Variants in EFHC2 observed in about 807,000 individuals in gnomAD.
The protein encoded by EFHC2 is EF-hand domain-containing family member C2.
In EFHC2, 18 loss-of-function variants were observed where a neutral mutation model predicts 52.7. The observed-to-expected ratio is 0.34, with a 90% CI of 0.24 to 0.51. The LOEUF is 0.51. EFHC2 is among the 20% of genes least tolerant of loss of function. The pLI is 0.97. For missense variants in EFHC2, 513 were observed against 562.5 expected (o/e 0.91, Z 0.89); for synonymous variants, 203 against 204.1 (o/e 0.99, Z 0.04).
At chrX:44,221,909 T>C (rs948270560) in intron 11 of EFHC2, among the ~76,000 whole-genome samples, 1 of 112,051 alleles carries the variant, frequency 8.9e-6, no homozygotes, top group African/African-American at 3.2e-5. Context: ...TTATTGCTGA[T>C]ATAAAGTAAA....
intron 4 of EFHC2, among the ~76,000 whole-genome samples, chrX:44,259,828 A>G (rs886105397): frequency 3.6e-5 from 4 of 111,802 alleles, no homozygotes; most frequent in Non-Finnish European, 7.5e-5. Context: ...TTGTACATCA[A>G]TATACAGGCA....
chrX:44,208,037 C>T (rs1337972891), intron 11 of EFHC2, among the ~76,000 whole-genome samples: 1 of 112,425 alleles, frequency 8.9e-6, no homozygotes, highest in Non-Finnish European at 1.9e-5. Flanking sequence ...TGCTTATACA[C>T]TGTTGGTGGG....
intron 1 of EFHC2, among the ~76,000 whole-genome samples, chrX:44,318,582 C>T (rs1322721655): frequency 8.9e-6 from 1 of 112,189 alleles, no homozygotes; most frequent in Non-Finnish European, 1.9e-5. Flanking sequence ...GCATGAGATT[C>T]ACACACCACA....
intron 11 of EFHC2, among the ~76,000 whole-genome samples, chrX:44,186,529 A>T (rs1602140759): frequency 9.0e-6 from 1 of 111,569 alleles, no homozygotes; most frequent in East Asian, 2.8e-4. Flanking sequence ...ATTTGTCTCC[A>T]AGCAAATCCC....
Position 44,151,428 on chromosome X carries a change from C to T in EFHC2, c.2149-2532G>A, listed in dbSNP as rs767729121. Reference sequence around the variant, plus strand: ...AAGTCCAAAACCAAGGTGTTGGCAGCGTTGGATCTTTCTGGAGGCTCTAAG... The same window carrying T: ...AAGTCCAAAACCAAGGTGTTGGCAGTGTTGGATCTTTCTGGAGGCTCTAAG... On this transcript the variant is annotated intron_variant, in intron 14 of 14. Coordinates refer to ENST00000420999, the MANE Select transcript of EFHC2 (RefSeq NM_025184.4). Among the ~76,000 whole-genome samples the T allele has an allele frequency of 1.3e-4, 15 of 111,529 alleles. No homozygotes were observed. In the East Asian group the frequency reaches 4.0e-3, roughly 29 times the overall value.
chrX:44,151,747 C>T (rs985693313), intron 14 of EFHC2, among the ~76,000 whole-genome samples: 6 of 111,576 alleles, frequency 5.4e-5, no homozygotes, highest in African/African-American at 1.3e-4. Flanking sequence ...ATATTCAATC[C>T]GGTGTTATAT....
At chrX:44,228,352 G>A (rs2037248450) in intron 11 of EFHC2, among the ~76,000 whole-genome samples, 1 of 111,810 alleles carries the variant, frequency 8.9e-6, no homozygotes, top group Non-Finnish European at 1.9e-5. Flanking sequence ...CTTTGCGAGT[G>A]CTGGAAAAAT....
chrX:44,327,383 T>C (rs891369038), intron 1 of EFHC2, among the ~76,000 whole-genome samples: 19 of 111,701 alleles, frequency 1.7e-4, no homozygotes, highest in African/African-American at 5.9e-4. Context: ...AATTTGGGAA[T>C]TGAAGAGAGA....
At chrX:44,150,345 C>T (rs1043026867) in intron 14 of EFHC2, among the ~76,000 whole-genome samples, 3 of 111,451 alleles carry the variant, frequency 2.7e-5, no homozygotes, top group African/African-American at 3.3e-5. Flanking sequence ...TAGGGACCAG[C>T]GTAAGCAAAG....
chrX:44,248,470 C>T (rs2037417156), intron 6 of EFHC2, 60 bp from the exon 7 acceptor site: 1 of 1,093,829 alleles, frequency 9.1e-7, no homozygotes, highest in Non-Finnish European at 1.2e-6. Flanking sequence ...ACCAGGAACC[C>T]CTTCCCAGAG....
At chrX:44,172,847 C>T (rs887860048) in intron 13 of EFHC2, among the ~76,000 whole-genome samples, 1 of 111,919 alleles carries the variant, frequency 8.9e-6, no homozygotes. Flanking sequence ...AATGGATAAT[C>T]GCTACCACTA....
At chrX:44,197,504 G>A (rs2147293245) in intron 11 of EFHC2, among the ~76,000 whole-genome samples, 1 of 111,443 alleles carries the variant, frequency 9.0e-6, no homozygotes, top group Non-Finnish European at 1.9e-5. Context: ...GGACAGCAAA[G>A]GAGAGACCCC....
chrX:44,287,052 A>G (rs2037755617), intron 2 of EFHC2, among the ~76,000 whole-genome samples: 1 of 102,785 alleles, frequency 9.7e-6, no homozygotes. Context: ...AAAAAAAAAA[A>G]AAGTTTTTTA....
At chrX:44,310,477 G>T in intron 2 of EFHC2, 1 of 629,795 alleles carries the variant, frequency 1.6e-6, no homozygotes, top group South Asian at 3.2e-5. Flanking sequence ...CGGAGAGCAT[G>T]GTGGTAGCGC....
chrX:44,234,600 G>A (rs1327183422), intron 9 of EFHC2, among the ~76,000 whole-genome samples: 2 of 111,825 alleles, frequency 1.8e-5, no homozygotes, highest in Admixed American at 9.4e-5. Context: ...ACAAATCAGG[G>A]CTTTTAAAAT....
chrX:44,283,001 G>A (rs868096623), intron 2 of EFHC2, among the ~76,000 whole-genome samples: 60 of 110,175 alleles, frequency 5.4e-4, no homozygotes, highest in African/African-American at 1.8e-3. Flanking sequence ...TTCCCGACTC[G>A]GCTTCTACAG....
intron 11 of EFHC2, among the ~76,000 whole-genome samples, chrX:44,202,363 G>A (rs1341586669): frequency 9.0e-6 from 1 of 111,332 alleles, no homozygotes; most frequent in Non-Finnish European, 1.9e-5. Context: ...AGTGAGCGGA[G>A]ATCGCTCCAT....
chrX:44,321,551 G>A (rs2038020682), intron 1 of EFHC2, among the ~76,000 whole-genome samples: 1 of 111,841 alleles, frequency 8.9e-6, no homozygotes, highest in Non-Finnish European at 1.9e-5. Context: ...TCAGGGAGAT[G>A]GGGTAGAATT....
At chrX:44,273,818 T>G (rs1020441816) in intron 2 of EFHC2, among the ~76,000 whole-genome samples, 1 of 111,615 alleles carries the variant, frequency 9.0e-6, no homozygotes, top group Non-Finnish European at 1.9e-5. Flanking sequence ...GTCTCTCACT[T>G]TTGATCAATT....
Sources: allele counts gnomAD v4.1 joint callset (sites outside exome capture counted in the v4.1 genomes callset), GRCh38; gene constraint gnomAD v4.1.1; transcripts MANE v1.5; gene names NCBI Gene and HGNC (gene_info 2026-07-23, HGNC 2026-07-21).